ANKDD1B: variants seen among roughly 807,000 people sequenced by gnomAD.
ANKDD1B encodes the protein ankyrin repeat and death domain containing 1B, also known as ankyrin repeat and death domain-containing protein 1B.
A neutral mutation model predicts 59.7 loss-of-function variants in ANKDD1B; 57 were observed. The ratio of observed to expected loss-of-function variants is 0.95; its 90% CI spans 0.77 to 1.19. The LOEUF (loss-of-function observed/expected upper bound fraction) is 1.19, where lower values mean the gene tolerates loss of function less well. ANKDD1B is among the 50% of genes most tolerant of loss of function. ANKDD1B has a pLI of 0.00. For synonymous variants in ANKDD1B, 216 were observed against 239.5 expected (o/e 0.90, Z 0.91); for missense variants, 602 against 641.9 (o/e 0.94, Z 0.67).
chr5:75,661,436 C>G (rs187164843), intron 10 of ANKDD1B, among the ~76,000 whole-genome samples: 1 of 138,192 alleles, frequency 7.2e-6, no homozygotes, highest in African/African-American at 2.9e-5. Flanking sequence ...GTAACACAGG[C>G]CCACTGTGGA....
At chr5:75,637,975 T>C (rs1004407594) in intron 7 of ANKDD1B, among the ~76,000 whole-genome samples, 2 of 152,182 alleles carry the variant, frequency 1.3e-5, no homozygotes, top group African/African-American at 4.8e-5. Context: ...CAACGACAAT[T>C]ATACCCACCT....
intron 6 of ANKDD1B, 95 bp downstream of exon 6, chr5:75,635,091 G>C: frequency 1.2e-6 from 1 of 800,786 alleles, no homozygotes; most frequent in Non-Finnish European, 2.0e-6. Flanking sequence ...TTTGGTGAGG[G>C]CGTTTTAGTC....
chr5:75,618,877 C>T (rs1387626335), intron 2 of ANKDD1B, among the ~76,000 whole-genome samples: 1 of 152,194 alleles, frequency 6.6e-6, no homozygotes, highest in Non-Finnish European at 1.5e-5. Flanking sequence ...TCCCTAGTAG[C>T]TGGGATTACA....
intron 7 of ANKDD1B, among the ~76,000 whole-genome samples, chr5:75,648,269 A>AAAAAAAAAAAAT (rs573514614): frequency 7.2e-4 from 26 of 35,980 alleles, no homozygotes; most frequent in Admixed American, 1.5e-3. Context: ...AAAAAAATTA[A>AAAAAAAAAAAAT]AAAAAAAAAA....
chr5:75,631,431 T>A (rs1774155481), intron 5 of ANKDD1B, among the ~76,000 whole-genome samples: 1 of 152,206 alleles, frequency 6.6e-6, no homozygotes, highest in African/African-American at 2.4e-5. Context: ...ACAGATGAAT[T>A]ATAAATTCCA....
intron 6 of ANKDD1B, 63 bp downstream of exon 6, chr5:75,635,059 G>C (rs1018172027): frequency 3.2e-5 from 35 of 1,090,320 alleles, no homozygotes; most frequent in Non-Finnish European, 4.4e-5. Context: ...TTGATGTAGA[G>C]GGGTAACAAT....
chr5:75,669,050 T>C (rs916433178), intron 12 of ANKDD1B, among the ~76,000 whole-genome samples: 5 of 152,204 alleles, frequency 3.3e-5, no homozygotes, highest in Admixed American at 2.6e-4. Context: ...GTGCCAAGCA[T>C]AGCAGGTGCA....
chr5:75,620,189 A>C, intron 2 of ANKDD1B, 126 bp from the exon 3 acceptor site: 1 of 584,472 alleles, frequency 1.7e-6, no homozygotes, highest in Non-Finnish European at 3.0e-6. Flanking sequence ...AGGTAAAGGC[A>C]AAGAGTGGAG....
At chr5:75,638,534 A>G (rs1324567121) in intron 7 of ANKDD1B, among the ~76,000 whole-genome samples, 4 of 152,260 alleles carry the variant, frequency 2.6e-5, no homozygotes, top group African/African-American at 2.4e-5. Flanking sequence ...GCTATCACAT[A>G]TACATTTATA....
chr5:75,616,171 A>G (rs375935840), intron 1 of ANKDD1B, among the ~76,000 whole-genome samples: 3 of 152,222 alleles, frequency 2.0e-5, no homozygotes, highest in East Asian at 3.8e-4. Context: ...CTACATAACA[A>G]AAAACTCAAT....
chr5:75,632,735 A>T lies in ANKDD1B; in HGVS notation c.601-2163A>T, dbSNP rs1298103415. On this transcript the variant is annotated intron_variant, in intron 5 of 13. Transcript: ENST00000601380. ...ACCACCCGCCTTTCCAGCCACAAAC[A>T]CACTCATGCTGAGTTATGTACCCCC... is the stretch of plus-strand genomic sequence containing the variant. Among the ~76,000 whole-genome samples, 10 of 152,238 alleles carry T rather than the reference A, an allele frequency of 6.6e-5. No individual in the cohort carries two copies. In the East Asian group the frequency reaches 1.4e-3, roughly 21 times the overall value.
In ANKDD1B at chr5:75,669,341, C is replaced by G. The variant is rs77518404; in HGVS notation, c.1483C>G (p.Leu495Val). 6.5e-4 allele frequency: 803 copies of G among 1,232,154 alleles called. 5 individuals are homozygous for G. In the East Asian group the frequency reaches 0.02, roughly 31 times the overall value. 76.3% of individuals were successfully genotyped at this position (1,232,154 alleles called of 1,614,324 possible). Reference sequence around the variant, plus strand: ...GACTCAGGGTGACCCGGCCAAGCAACTGTATGAAGAGCTGGTACACGCAGG... The same window carrying G: ...GACTCAGGGTGACCCGGCCAAGCAAGTGTATGAAGAGCTGGTACACGCAGG... ...LMTQGDPAKQ[L>V]YEELVHAGFP... Residue 495 changes from leucine (L) to valine (V), a missense_variant, in exon 13 of 14, where the codon CTG becomes GTG. Leu to Val is a conservative substitution (Grantham distance 32, BLOSUM62 1). Transcript: ENST00000601380.
chr5:75,627,121 C>CAAA (rs1394552047), intron 5 of ANKDD1B, among the ~76,000 whole-genome samples: 1 of 152,218 alleles, frequency 6.6e-6, no homozygotes, highest in African/African-American at 2.4e-5. Flanking sequence ...TAGAGGAAGA[C>CAAA]AGACTTGGGC....
At chr5:75,620,578 TGAATTTGGG>T (rs1773822185) in intron 3 of ANKDD1B, among the ~76,000 whole-genome samples, 165 bp downstream of exon 3, 1 of 152,244 alleles carries the variant, frequency 6.6e-6, no homozygotes, top group Non-Finnish European at 1.5e-5. Context: ...ATGTGCTCTT[TGAATTTGGG>T]GACTAAATTG....
chr5:75,640,096 T>C (rs1581142380), intron 7 of ANKDD1B, among the ~76,000 whole-genome samples: 1 of 151,898 alleles, frequency 6.6e-6, no homozygotes, highest in African/African-American at 2.4e-5. Flanking sequence ...TAGGCTGGAG[T>C]GTGGTGATGC....
intron 5 of ANKDD1B, among the ~76,000 whole-genome samples, chr5:75,632,911 C>T (rs978212267): frequency 7.9e-5 from 12 of 152,240 alleles, no homozygotes; most frequent in Admixed American, 1.3e-4. Context: ...TATTCATAGG[C>T]GCTCAACAAT....
At chr5:75,650,567 T>C (rs1229057533) in intron 7 of ANKDD1B, among the ~76,000 whole-genome samples, 1 of 152,176 alleles carries the variant, frequency 6.6e-6, no homozygotes, top group East Asian at 1.9e-4. Flanking sequence ...TATGGCAATG[T>C]CTTATAACAA....
At chr5:75,635,916 T>A in intron 7 of ANKDD1B, 34 bp downstream of exon 7, 1 of 1,356,006 alleles carries the variant, frequency 7.4e-7, no homozygotes, top group Non-Finnish European at 1.0e-6. Context: ...CCATAGGACT[T>A]AAATGTGGAA....
At chr5:75,625,598 T>C (rs1050110110) in intron 3 of ANKDD1B, 49 bp from the exon 4 acceptor site, 29 of 1,449,646 alleles carry the variant, frequency 2.0e-5, no homozygotes, top group Admixed American at 2.0e-5. Flanking sequence ...AGTATATGGC[T>C]GCAGCTTGTC....
Sources: allele counts gnomAD v4.1 joint callset (sites outside exome capture counted in the v4.1 genomes callset), GRCh38; gene constraint gnomAD v4.1.1; transcripts MANE v1.5; gene names NCBI Gene and HGNC (gene_info 2026-07-23, HGNC 2026-07-21).